The following PTGER4 variants were observed in gnomAD, a reference collection of about 807,000 sequenced individuals.
The protein encoded by PTGER4 is prostaglandin E receptor 4, also known as prostaglandin E2 receptor EP4 subtype.
Under a neutral mutation model 33.2 loss-of-function variants are expected in PTGER4, and 11 were observed. The observed-to-expected ratio is 0.33, with a 90% CI of 0.21 to 0.55. The LOEUF is 0.55. PTGER4 is among the 20% of genes least tolerant of loss of function. PTGER4 has a pLI of 0.92. For missense variants in PTGER4, 481 were observed against 650.2 expected (o/e 0.74, Z 2.83); for synonymous variants, 275 against 281.5 (o/e 0.98, Z 0.23).
Position 40,692,084 on chromosome 5 carries a change from A to C in PTGER4, c.1173A>C (p.Thr391=), listed in dbSNP as rs1741488597. Reference sequence around the variant, plus strand: ...GGGAGCTGAAGGAGATCAGCAGTACATCTCAGACCCTCCTGCCAGACCTCT... The same window carrying C: ...GGGAGCTGAAGGAGATCAGCAGTACCTCTCAGACCCTCCTGCCAGACCTCT... ...ISRELKEISS[T]SQTLLPDLSL... is the part of the protein sequence containing the mutation. Residue 391 remains threonine, a synonymous_variant, in exon 3 of 3, where the codon ACA becomes ACC. Coordinates refer to ENST00000302472, the MANE Select transcript of PTGER4 (RefSeq NM_000958.3). 2 of 1,614,210 alleles carry C rather than the reference A, an allele frequency of 1.2e-6. No individual in the cohort carries two copies. The highest frequency in any genetic ancestry group is 2.2e-5 in the East Asian group (1 of 44,876).
In PTGER4 at chr5:40,691,438, C is replaced by T. The variant is rs1022185205; in HGVS notation, c.868-341C>T. On this transcript the variant is annotated intron_variant, in intron 2 of 2. Transcript: ENST00000302472. The surrounding 1 kb of genome is among the most constrained non-coding windows in gnomAD (Gnocchi z 4.2). ...CTAGTGATCCGCCTACCTCGGCCTA[C>T]CAAAATGCTGGGATTACAGGCGTGA... Among the ~76,000 whole-genome samples the T allele has an allele frequency of 1.8e-4, 27 of 152,226 alleles. No individual in the cohort carries two copies. Among genetic ancestry groups the T allele is most frequent in the African/African-American group, 6.5e-4 (27 of 41,456 alleles).
chr5:40,704,611 T>C, the PTGER4 span, among the ~76,000 whole-genome samples: 55 of 152,196 alleles, frequency 3.6e-4, no homozygotes, highest in African/African-American at 1.3e-3. Context: ...CTTCAACTGA[T>C]AAACAACTTC....
the PTGER4 span, among the ~76,000 whole-genome samples, chr5:40,706,102 T>C: frequency 6.6e-6 from 1 of 152,136 alleles, no homozygotes; most frequent in Admixed American, 6.5e-5. Flanking sequence ...ACAGACTGGC[T>C]AAAGAAAATA....
chr5:40,690,635 C>A (rs528475923), intron 2 of PTGER4, among the ~76,000 whole-genome samples: 1 of 152,322 alleles, frequency 6.6e-6, no homozygotes, highest in South Asian at 2.1e-4. Flanking sequence ...AACAGGAGAT[C>A]CTGCTGTTGG....
chr5:40,711,989 G>T, the PTGER4 span, among the ~76,000 whole-genome samples: 3 of 152,144 alleles, frequency 2.0e-5, no homozygotes, highest in Admixed American at 1.3e-4. Flanking sequence ...CAGGATGGTA[G>T]TGGTGGTGAA....
chr5:40,703,902 C>CAAAAAAAAAAAAAAA, the PTGER4 span, among the ~76,000 whole-genome samples: 6 of 37,264 alleles, frequency 1.6e-4, no homozygotes, highest in Non-Finnish European at 2.9e-4. Context: ...GACGCCGTCT[C>CAAAAAAAAAAAAAAA]AAAAAAAAAA....
chr5:40,692,149 A>G lies in PTGER4; in HGVS notation c.1238A>G (p.Asn413Ser). 1 of 1,614,198 alleles carries G rather than the reference A, an allele frequency of 6.2e-7. No individual in the cohort carries two copies. The highest frequency in any genetic ancestry group is 8.5e-7 in the Non-Finnish European group (1 of 1,180,036). The change falls in exon 3 of 3, where the codon AAT becomes AGT. Residue 413 changes from asparagine (N) to serine (S), a missense_variant. Around this residue, in one of 7 missense-constraint regions of PTGER4, gnomAD observed 172 missense variants for 199.2 expected, o/e 0.86. Coordinates refer to ENST00000302472, the MANE Select transcript of PTGER4 (RefSeq NM_000958.3). ...AGTGAAAATGGCCTTGGAGGCAGGA[A>G]TTTGCTTCCAGGTGTGCCTGGCATG... is the stretch of plus-strand genomic sequence containing the variant. ...DLSENGLGGR[N>S]LLPGVPGMGL... is the part of the protein sequence containing the mutation.
chr5:40,729,763 A>G, the PTGER4 span, among the ~76,000 whole-genome samples: 1 of 152,170 alleles, frequency 6.6e-6, no homozygotes, highest in East Asian at 1.9e-4. Context: ...CAGTGGCACT[A>G]TCTCAGCTCA....
downstream of PTGER4, chr5:40,696,754 G>A (rs958547731): frequency 5.4e-5 from 50 of 933,976 alleles, no homozygotes; most frequent in African/African-American, 8.7e-4. Context: ...ACTAAAATCT[G>A]AACAATTAGG....
the PTGER4 span, among the ~76,000 whole-genome samples, chr5:40,746,493 A>C: frequency 6.6e-6 from 1 of 152,312 alleles, no homozygotes; most frequent in Non-Finnish European, 1.5e-5. Flanking sequence ...TTTACTGACC[A>C]ATCACTTGAA....
chr5:40,686,479 C>G (rs977559118), intron 2 of PTGER4, among the ~76,000 whole-genome samples: 4 of 152,186 alleles, frequency 2.6e-5, no homozygotes, highest in Admixed American at 1.3e-4. Flanking sequence ...GTAATGAGAG[C>G]CAACATATCT....
At chr5:40,723,025 CG>C in the PTGER4 span, among the ~76,000 whole-genome samples, 6 of 152,260 alleles carry the variant, frequency 3.9e-5, no homozygotes, top group African/African-American at 1.4e-4. Context: ...AAGGAGAGAT[CG>C]GATTGTTACT....
At chr5:40,737,620 T>C in the PTGER4 span, among the ~76,000 whole-genome samples, 1 of 152,222 alleles carries the variant, frequency 6.6e-6, no homozygotes, top group Non-Finnish European at 1.5e-5. Context: ...ACGTACCCAC[T>C]TGAAGCATAC....
At chr5:40,710,844 A>G in the PTGER4 span, among the ~76,000 whole-genome samples, 3 of 152,136 alleles carry the variant, frequency 2.0e-5, no homozygotes, top group South Asian at 6.2e-4. Context: ...ACCAAACATC[A>G]CATGTTCTCA....
At chr5:40,728,936 G>T in the PTGER4 span, among the ~76,000 whole-genome samples, 1 of 152,116 alleles carries the variant, frequency 6.6e-6, no homozygotes, top group Non-Finnish European at 1.5e-5. Context: ...TCACTACTGG[G>T]CATTTCAAAC....
chr5:40,708,461 A>C, the PTGER4 span, among the ~76,000 whole-genome samples: 1 of 152,066 alleles, frequency 6.6e-6, no homozygotes, highest in Admixed American at 6.6e-5. Context: ...CGACACATAC[A>C]CCCTCCCAAG....
At chr5:40,739,140 G>GTA in the PTGER4 span, among the ~76,000 whole-genome samples, 1 of 151,950 alleles carries the variant, frequency 6.6e-6, no homozygotes, top group African/African-American at 2.4e-5. Flanking sequence ...GTACTATAAA[G>GTA]GTATAACATT....
At chr5:40,739,547 T>A in the PTGER4 span, among the ~76,000 whole-genome samples, 7 of 152,190 alleles carry the variant, frequency 4.6e-5, no homozygotes, top group Non-Finnish European at 1.0e-4. Flanking sequence ...TCTGGTTGCA[T>A]AAAAGTGTGT....
the PTGER4 span, among the ~76,000 whole-genome samples, chr5:40,736,785 T>C: frequency 1.3e-5 from 2 of 152,080 alleles, no homozygotes; most frequent in South Asian, 2.1e-4. Flanking sequence ...GAGGTAGAAA[T>C]TGACAAAAAA....
Sources: gnomAD v4.1 joint callset for allele counts (sites outside exome capture counted in the v4.1 genomes callset) on GRCh38, gnomAD v4.1.1 for gene constraint, gnomAD v4.1.1 regional missense constraint, Gnocchi (gnomAD v3.1) non-coding constraint, MANE v1.5 for transcripts, NCBI Gene and HGNC (gene_info 2026-07-23, HGNC 2026-07-21) for gene names.